Variants in TAX1BP1 observed in about 807,000 individuals in gnomAD.
TAX1BP1 encodes tax1-binding protein 1.
In TAX1BP1, 62 loss-of-function variants were observed where a neutral mutation model predicts 97.7. That is an observed-to-expected ratio of 0.63 (90% confidence interval 0.52 to 0.78). The LOEUF is 0.78. Among genes scored for constraint, TAX1BP1 ranks in the 30% least tolerant of loss-of-function variants. The probability of loss-of-function intolerance (pLI) is 0.00; values close to 1 mark genes in which losing one functional copy is unlikely to be tolerated. For synonymous variants in TAX1BP1, 340 were observed against 304.2 expected, an observed-to-expected ratio of 1.12 and a Z score of -1.23; for missense variants, 867 against 916.1, an observed-to-expected ratio of 0.95 and a Z score of 0.69.
intron 4 of TAX1BP1, among the ~76,000 whole-genome samples, chr7:27,769,369 G>T (rs1562709743): frequency 1.3e-5 from 2 of 151,810 alleles, no homozygotes; most frequent in Non-Finnish European, 2.9e-5. Context: ...TGTAATTAAC[G>T]GGAACATTAA....
At chr7:27,817,816 T>C (rs942953725) in intron 15 of TAX1BP1, among the ~76,000 whole-genome samples, 1 of 152,194 alleles carries the variant, frequency 6.6e-6, no homozygotes, top group African/African-American at 2.4e-5. Flanking sequence ...TCGTGCTCTT[T>C]GCAAGTACAG....
In TAX1BP1 at chr7:27,766,032, A is replaced by G; in HGVS notation, c.453+11A>G. On this transcript the variant is annotated intron_variant, in intron 4 of 16. Transcript: ENST00000396319. ...GCAGGCCTTCTTGAGGTTGGTGTTCACAGTGAGATAGTGATTCATTGATAA... is the reference window on the plus strand; with the variant it reads ...GCAGGCCTTCTTGAGGTTGGTGTTCGCAGTGAGATAGTGATTCATTGATAA... 6.2e-7 allele frequency: 1 copy of G among 1,610,608 alleles called. No homozygotes were observed. Among genetic ancestry groups the G allele is most frequent in the South Asian group, 1.1e-5 (1 of 90,828 alleles).
At chr7:27,806,768 C>T (rs968741084) in intron 13 of TAX1BP1, among the ~76,000 whole-genome samples, 1 of 152,004 alleles carries the variant, frequency 6.6e-6, no homozygotes, top group African/African-American at 2.4e-5. Flanking sequence ...AATTTTAGTA[C>T]CAACTTTTCT....
In TAX1BP1 at chr7:27,787,407, C is replaced by T; in HGVS notation, c.853-11C>T. The T allele has an allele frequency of 6.3e-7, 1 of 1,579,858 alleles. No homozygotes were observed. Among genetic ancestry groups the T allele is most frequent in the Non-Finnish European group, 8.6e-7 (1 of 1,166,218 alleles). ...TTAGAATATTCTTGACATTTTCAAACACCATTACAGGTACATTTGAAGAAT... is the reference window on the plus strand; with the variant it reads ...TTAGAATATTCTTGACATTTTCAAATACCATTACAGGTACATTTGAAGAAT... On this transcript the variant is annotated splice_polypyrimidine_tract_variant and intron_variant, in intron 7 of 16. Coordinates refer to ENST00000396319, the MANE Select transcript of TAX1BP1 (RefSeq NM_006024.7).
At position 27,821,974 on chromosome 7, in the gene TAX1BP1, T is replaced by C. The variant is rs184397331; in HGVS notation, c.2085+4936T>C. Among the ~76,000 whole-genome samples, 6 of 152,350 alleles carry C rather than the reference T, an allele frequency of 3.9e-5. No individual in the cohort carries two copies. In the East Asian group the frequency reaches 1.2e-3, roughly 29 times the overall value. ...TTCACTTAGCATGTTTTCAAAGTTA[T>C]CCATGTTTTAGCATGCATCCATGTT... is the stretch of plus-strand genomic sequence containing the variant. On this transcript the variant is annotated intron_variant, in intron 15 of 16. Coordinates refer to ENST00000396319, the MANE Select transcript of TAX1BP1 (RefSeq NM_006024.7).
At chr7:27,821,525 C>A (rs1790973439) in intron 15 of TAX1BP1, among the ~76,000 whole-genome samples, 1 of 151,468 alleles carries the variant, frequency 6.6e-6, no homozygotes, top group African/African-American at 2.4e-5. Context: ...ATCCCAGCTA[C>A]TTGGAAGGCT....
At chr7:27,767,958 CAT>C in intron 4 of TAX1BP1, among the ~76,000 whole-genome samples, 1 of 151,856 alleles carries the variant, frequency 6.6e-6, no homozygotes, top group African/African-American at 2.4e-5. Context: ...AAATGTGAGA[CAT>C]TATCTGGGGT....
Position 27,785,249 on chromosome 7 carries a change from G to C in TAX1BP1, c.699G>C (p.Gln233His), listed in dbSNP as rs1316590860. Reference sequence around the variant, plus strand: ...GTGATGCTACATCCAAAGCCCATCAGCTTGAGGAAGATATTGTGTCAGTAA... The same window carrying C: ...GTGATGCTACATCCAAAGCCCATCACCTTGAGGAAGATATTGTGTCAGTAA... Reference protein sequence around the residue: ...RFSDATSKAHQLEEDIVSVTH... With the variant: ...RFSDATSKAHHLEEDIVSVTH... The change falls in exon 6 of 17, where the codon CAG (glutamine) becomes CAC (histidine). Residue 233 changes from glutamine (Q) to histidine (H), a missense_variant. Coordinates refer to ENST00000396319, the MANE Select transcript of TAX1BP1 (RefSeq NM_006024.7). The C allele has an allele frequency of 8.7e-6, 14 of 1,613,308 alleles. No homozygotes were observed. In the Admixed American group the frequency reaches 2.3e-4, roughly 27 times the overall value.
chr7:27,766,623 C>T (rs1788656149), intron 4 of TAX1BP1, among the ~76,000 whole-genome samples: 1 of 151,968 alleles, frequency 6.6e-6, no homozygotes, highest in South Asian at 2.1e-4. Context: ...GCAGTAAGTA[C>T]CAATTGGGAG....
At chr7:27,796,070 AG>A (rs1388382334) in intron 11 of TAX1BP1, 45 bp from the exon 12 acceptor site, 4 of 1,435,654 alleles carry the variant, frequency 2.8e-6, no homozygotes, top group Non-Finnish European at 3.9e-6. Context: ...AGATAATATA[AG>A]GGGCAAAATA....
At chr7:27,741,890 G>A (rs1328949391) in intron 1 of TAX1BP1, among the ~76,000 whole-genome samples, 1 of 152,188 alleles carries the variant, frequency 6.6e-6, no homozygotes, top group Non-Finnish European at 1.5e-5. Context: ...CAATAGTGGG[G>A]AGAGGGTCAG....
chr7:27,784,258 TTTATC>T (rs1434835471), intron 5 of TAX1BP1, among the ~76,000 whole-genome samples: 1 of 152,138 alleles, frequency 6.6e-6, no homozygotes, highest in Non-Finnish European at 1.5e-5. Context: ...TAAAAATAAT[TTTATC>T]TTAATTTACC....
chr7:27,821,886 C>G lies in TAX1BP1; in HGVS notation c.2085+4848C>G, dbSNP rs749064805. Among the ~76,000 whole-genome samples the G allele has an allele frequency of 1.3e-5, 2 of 152,218 alleles. 1 individual carries two copies. The highest frequency in any genetic ancestry group is 4.1e-4 in the South Asian group (2 of 4,824). ...CCTCAGTCCACTTTGTTTATAGATT[C>G]GTCTGTTCTGCATAGTAATATAAGT... On this transcript the variant is annotated intron_variant, in intron 15 of 16. Coordinates refer to ENST00000396319, the MANE Select transcript of TAX1BP1 (RefSeq NM_006024.7).
intron 2 of TAX1BP1, among the ~76,000 whole-genome samples, chr7:27,753,584 C>G (rs983883125): frequency 2.0e-5 from 3 of 152,172 alleles, no homozygotes; most frequent in African/African-American, 7.2e-5. Context: ...TTTTCTGATA[C>G]AGTCATACCT....
intron 13 of TAX1BP1, among the ~76,000 whole-genome samples, chr7:27,803,345 T>C (rs568643694): frequency 3.4e-4 from 52 of 152,332 alleles, no homozygotes; most frequent in Admixed American, 1.3e-3. Context: ...GGTTTTCTTT[T>C]GTAATAGGAA....
At chr7:27,816,864 C>T in intron 14 of TAX1BP1, 26 bp from the exon 15 acceptor site, 1 of 1,613,152 alleles carries the variant, frequency 6.2e-7, no homozygotes, top group Non-Finnish European at 8.5e-7. Context: ...CAGTTTCACT[C>T]TACCTTTCCA....
rs1583416736 is a variant in TAX1BP1 at position 27,828,796 on chromosome 7, C to A, written c.2337C>A (p.Thr779=). The A allele has an allele frequency of 6.2e-7, 1 of 1,612,650 alleles. No homozygotes were observed. The highest frequency in any genetic ancestry group is 2.2e-5 in the East Asian group (1 of 44,808). The stretch of plus-strand genomic sequence containing the variant: ...AGGTGTTTGAAAGGCATGTGCAGAC[C>A]CATTTTGATCAGAATGTTCTAAATT... ...DQQVFERHVQ[T]HFDQNVLNFD Residue 779 remains threonine (T), a synonymous_variant, in exon 17 of 17, where the codon ACC becomes ACA. Transcript: ENST00000396319.
intron 13 of TAX1BP1, among the ~76,000 whole-genome samples, chr7:27,803,544 T>A (rs1790220369): frequency 6.6e-6 from 1 of 152,216 alleles, no homozygotes; most frequent in Non-Finnish European, 1.5e-5. Context: ...CAACATTATT[T>A]GATTTTCTCC....
intron 12 of TAX1BP1, 122 bp downstream of exon 12, chr7:27,796,341 G>A: frequency 1.2e-6 from 1 of 824,056 alleles, no homozygotes; most frequent in Non-Finnish European, 1.8e-6. Flanking sequence ...GTGTTACTTA[G>A]TTTCACTTTG....
Sources: gnomAD v4.1 joint callset for allele counts (sites outside exome capture counted in the v4.1 genomes callset) on GRCh38, gnomAD v4.1.1 for gene constraint, MANE v1.5 for transcripts, NCBI Gene and HGNC (gene_info 2026-07-23, HGNC 2026-07-21) for gene names.